MTHFD2L: variants seen among roughly 807,000 people sequenced by gnomAD.
MTHFD2L encodes bifunctional methylenetetrahydrofolate dehydrogenase/cyclohydrolase 2, mitochondrial.
Under a neutral mutation model 34.9 loss-of-function variants are expected in MTHFD2L, and 29 were observed. That is an observed-to-expected ratio of 0.83 (90% CI 0.62 to 1.13). The LOEUF (loss-of-function observed/expected upper bound fraction) is 1.13, where lower values mean the gene tolerates loss of function less well. Among genes scored for constraint, MTHFD2L ranks in the 50% most tolerant of loss-of-function variants. MTHFD2L has a pLI of 0.00. For synonymous variants in MTHFD2L, 167 were observed against 155.7 expected (o/e 1.07, Z -0.54); for missense variants, 481 against 446.5 (o/e 1.08, Z -0.70).
In MTHFD2L at chr4:74,269,215, C is replaced by T. The variant is rs916799265; in HGVS notation, c.806-12210C>T. Among the ~76,000 whole-genome samples, 15 of 152,204 alleles carry T rather than the reference C, an allele frequency of 9.9e-5. 1 individual carries two copies. The highest frequency in any genetic ancestry group is 9.2e-4 in the Admixed American group (14 of 15,282). On this transcript the variant is annotated intron_variant, in intron 6 of 7. Coordinates refer to ENST00000325278, the MANE Select transcript of MTHFD2L (RefSeq NM_001144978.3). ...TTTGAAATTCTGCATTAGTAAGAAA[C>T]CCTTTCTTTTGCCAGAAATAAGTTG...
At chr4:74,132,128 T>C (rs1235648455) in intron 1 of MTHFD2L, among the ~76,000 whole-genome samples, 3 of 152,188 alleles carry the variant, frequency 2.0e-5, no homozygotes, top group Non-Finnish European at 4.4e-5. Flanking sequence ...AGGGATGCTT[T>C]TATATTGTTG....
chr4:74,274,580 T>C (rs1157257900), intron 6 of MTHFD2L, among the ~76,000 whole-genome samples: 1 of 152,238 alleles, frequency 6.6e-6, no homozygotes, highest in Non-Finnish European at 1.5e-5. Flanking sequence ...GATTATTGAA[T>C]GCTGGTTCCC....
intron 3 of MTHFD2L, among the ~76,000 whole-genome samples, chr4:74,178,630 AT>A (rs1451846110): frequency 6.6e-6 from 1 of 152,040 alleles, no homozygotes; most frequent in Non-Finnish European, 1.5e-5. Context: ...AAAAAAAAAA[AT>A]CTGGATGTTC....
At chr4:74,292,067 G>A (rs567727968) in intron 7 of MTHFD2L, among the ~76,000 whole-genome samples, 4 of 152,208 alleles carry the variant, frequency 2.6e-5, no homozygotes, top group East Asian at 1.9e-4. Context: ...TGTTATTAAC[G>A]CTGTGATCAC....
intron 7 of MTHFD2L, among the ~76,000 whole-genome samples, chr4:74,287,417 A>T (rs1409056399): frequency 2.6e-5 from 4 of 152,070 alleles, no homozygotes; most frequent in African/African-American, 9.7e-5. Context: ...TAGGTGAAGG[A>T]CTATAACAAA....
At chr4:74,204,917 C>T (rs867401449) in intron 5 of MTHFD2L, among the ~76,000 whole-genome samples, 1 of 152,022 alleles carries the variant, frequency 6.6e-6, no homozygotes, top group South Asian at 2.1e-4. Context: ...AAAACAAAAA[C>T]ATATATACTT....
chr4:74,154,171 A>G, upstream of MTHFD2L, among the ~76,000 whole-genome samples: 1 of 152,190 alleles, frequency 6.6e-6, no homozygotes, highest in Non-Finnish European at 1.5e-5. Flanking sequence ...GTTTTGCAGG[A>G]AGATTGCAGA....
At chr4:74,163,012 T>C (rs1725791211) in intron 1 of MTHFD2L, among the ~76,000 whole-genome samples, 1 of 152,230 alleles carries the variant, frequency 6.6e-6, no homozygotes, top group Non-Finnish European at 1.5e-5. Flanking sequence ...TGGGACCTTA[T>C]GGATAGAATT....
At chr4:74,186,236 A>T (rs1164099551) in intron 3 of MTHFD2L, among the ~76,000 whole-genome samples, 1 of 152,008 alleles carries the variant, frequency 6.6e-6, no homozygotes, top group Non-Finnish European at 1.5e-5. Context: ...TTTCAAGCTG[A>T]TAAAGGGAAT....
At chr4:74,182,381 GAAGATCTTGTGCCCGCACCCATGA>G (rs1369243110) in intron 3 of MTHFD2L, among the ~76,000 whole-genome samples, 1 of 152,162 alleles carries the variant, frequency 6.6e-6, no homozygotes, top group Admixed American at 6.5e-5. Flanking sequence ...CAAGATTGGT[GAAGATCTTGTGCCCGCACCCATGA>G]AAGTTTTCTA....
chr4:74,166,412 A>G (rs192224706), intron 1 of MTHFD2L, among the ~76,000 whole-genome samples: 140 of 152,326 alleles, frequency 9.2e-4, no homozygotes, highest in African/African-American at 3.3e-3. Context: ...GTAAGGACAG[A>G]AATTAAAATT....
intron 6 of MTHFD2L, among the ~76,000 whole-genome samples, chr4:74,264,311 C>A (rs576200853): frequency 7.9e-5 from 12 of 151,982 alleles, no homozygotes; most frequent in Non-Finnish European, 1.8e-4. Flanking sequence ...CTAATGTAAT[C>A]TATGAAAAAC....
intron 5 of MTHFD2L, among the ~76,000 whole-genome samples, 182 bp downstream of exon 5, chr4:74,201,552 T>C (rs1734432988): frequency 7.8e-6 from 1 of 128,282 alleles, no homozygotes; most frequent in East Asian, 2.3e-4. Flanking sequence ...ACTGAAAATA[T>C]GTGGCCATTT....
intron 5 of MTHFD2L, among the ~76,000 whole-genome samples, chr4:74,223,728 T>G (rs1738641172): frequency 6.6e-6 from 1 of 152,136 alleles, no homozygotes; most frequent in Non-Finnish European, 1.5e-5. Flanking sequence ...CATTGCTAAG[T>G]TCTTAAATTT....
At chr4:74,229,606 G>C (rs1412761401) in intron 6 of MTHFD2L, among the ~76,000 whole-genome samples, 1 of 152,162 alleles carries the variant, frequency 6.6e-6, no homozygotes, top group Non-Finnish European at 1.5e-5. Flanking sequence ...AGGAAATCCT[G>C]TGTGAAGATC....
upstream of MTHFD2L, among the ~76,000 whole-genome samples, chr4:74,154,492 TTA>T (rs1724129907): frequency 6.6e-6 from 1 of 152,146 alleles, no homozygotes; most frequent in Admixed American, 6.5e-5. Flanking sequence ...ATTTATATGA[TTA>T]TGGGCTCATG....
chr4:74,263,103 A>T (rs909817057), intron 6 of MTHFD2L, among the ~76,000 whole-genome samples: 1 of 151,828 alleles, frequency 6.6e-6, no homozygotes, highest in Non-Finnish European at 1.5e-5. Flanking sequence ...ATATATGTGT[A>T]TATATGTATA....
At chr4:74,171,797 C>A (rs530654719) in intron 1 of MTHFD2L, among the ~76,000 whole-genome samples, 208 of 151,684 alleles carry the variant, frequency 1.4e-3, no homozygotes, top group Non-Finnish European at 2.5e-3. Flanking sequence ...AGACCCTGTC[C>A]CCCACAAAAA....
chr4:74,228,439 T>A (rs575584975), intron 6 of MTHFD2L, among the ~76,000 whole-genome samples: 1 of 152,348 alleles, frequency 6.6e-6, no homozygotes, highest in Non-Finnish European at 1.5e-5. Flanking sequence ...GTACAGAATA[T>A]TTGACTATTG....
Sources: allele counts gnomAD v4.1 joint callset (sites outside exome capture counted in the v4.1 genomes callset), GRCh38; gene constraint gnomAD v4.1.1; transcripts MANE v1.5; gene names NCBI Gene and HGNC (gene_info 2026-07-23, HGNC 2026-07-21).